The following RFX2 variants were observed in gnomAD, a reference collection of about 807,000 sequenced individuals.
RFX2 encodes the protein regulatory factor X2.
RFX2 carries 20 observed loss-of-function variants against 87.8 expected under a neutral mutation model. The ratio of observed to expected loss-of-function variants is 0.23; its 90% CI spans 0.16 to 0.33. The LOEUF (loss-of-function observed/expected upper bound fraction) is 0.33. Among genes scored for constraint, RFX2 ranks in the 10% least tolerant of loss-of-function variants. The pLI, the probability that RFX2 is intolerant of heterozygous loss-of-function variation, is 1.00. For missense variants in RFX2, 767 were observed against 1,012.3 expected (o/e 0.76, Z 3.29); for synonymous variants, 397 against 431.3 (o/e 0.92, Z 0.98).
At chr19:6,078,527 C>T (rs1288301489) in intron 1 of RFX2, among the ~76,000 whole-genome samples, 1 of 152,094 alleles carries the variant, frequency 6.6e-6, no homozygotes, top group Non-Finnish European at 1.5e-5. Flanking sequence ...CCAACATCTG[C>T]AGTGCCTGGC....
At chr19:6,096,217 A>G (rs1050315160) in intron 1 of RFX2, among the ~76,000 whole-genome samples, 1 of 152,344 alleles carries the variant, frequency 6.6e-6, no homozygotes, top group East Asian at 1.9e-4. Flanking sequence ...CCTCGAATTT[A>G]AAACATTTTC....
chr19:6,074,136 G>A lies in RFX2; in HGVS notation c.-8-26632C>T, dbSNP rs1272970746. Among the ~76,000 whole-genome samples the A allele has an allele frequency of 1.3e-5, 2 of 152,200 alleles. No individual in the cohort carries two copies. Among genetic ancestry groups the A allele is most frequent in the Non-Finnish European group, 2.9e-5 (2 of 68,040 alleles). The stretch of plus-strand genomic sequence containing the variant: ...CTCGGGAAGATGGAAAATGAATGAA[G>A]GGCAGCTCTGCCCAAAGCGGCGGAC... On this transcript the variant is annotated intron_variant, in intron 1 of 17. Transcript: ENST00000303657. The surrounding 1 kb of genome is among the most constrained non-coding windows in gnomAD (Gnocchi z 5.2).
chr19:6,077,708 G>A (rs1482829191), intron 1 of RFX2, among the ~76,000 whole-genome samples: 4 of 152,174 alleles, frequency 2.6e-5, no homozygotes, highest in Non-Finnish European at 5.9e-5. Context: ...GCGGCCGGGC[G>A]CGGTGGCTCA....
chr19:6,109,563 C>G (rs888970472), intron 1 of RFX2, among the ~76,000 whole-genome samples: 3 of 151,470 alleles, frequency 2.0e-5, no homozygotes, highest in African/African-American at 7.3e-5. Context: ...GTCCCCGGGA[C>G]AAGTCAGATC....
chr19:6,054,969 C>T (rs2087314243), intron 1 of RFX2, among the ~76,000 whole-genome samples: 1 of 152,090 alleles, frequency 6.6e-6, no homozygotes, highest in Admixed American at 6.6e-5. Context: ...TCATAAAGGG[C>T]TTTGATCCTA....
At chr19:6,043,980 G>C (rs1417538580) in intron 3 of RFX2, among the ~76,000 whole-genome samples, 1 of 152,174 alleles carries the variant, frequency 6.6e-6, no homozygotes, top group Non-Finnish European at 1.5e-5. Flanking sequence ...ATGAACGAAA[G>C]ATCACCAGCT....
chr19:6,043,295 G>A lies in RFX2; in HGVS notation c.180+898C>T, dbSNP rs567738069. 4.8e-4 allele frequency among the ~76,000 whole-genome samples: 73 copies of A among 152,322 alleles called. No individual in the cohort carries two copies. The South Asian group carries it at 0.013, about 27-fold the overall frequency. The stretch of plus-strand genomic sequence containing the variant: ...CACTGGCCTGAGGCCCTGCGTCCCC[G>A]CTGGGCCTGTCTGGAGCCTTTTCCT... On this transcript the variant is annotated intron_variant, in intron 3 of 17. Transcript: ENST00000303657.
chr19:5,995,994 A>C (rs548375193), intron 16 of RFX2, among the ~76,000 whole-genome samples: 13 of 152,230 alleles, frequency 8.5e-5, no homozygotes, highest in Non-Finnish European at 1.5e-4. Flanking sequence ...GTCTGTACAC[A>C]GCAGGAAAAC....
intron 1 of RFX2, among the ~76,000 whole-genome samples, chr19:6,104,183 G>A (rs1430334760): frequency 1.3e-5 from 2 of 151,854 alleles, no homozygotes; most frequent in Non-Finnish European, 2.9e-5. Flanking sequence ...TCTTTCCCCT[G>A]CCCCATTCAT....
In RFX2 at chr19:6,012,961, C is replaced by T; in HGVS notation, c.899+25G>A. 1 of 1,493,732 alleles carries T rather than the reference C, an allele frequency of 6.7e-7. No individual in the cohort carries two copies. The highest frequency in any genetic ancestry group is 8.9e-7 in the Non-Finnish European group (1 of 1,120,692). 92.5% of individuals were successfully genotyped at this position (1,493,732 alleles called of 1,614,324 possible). A position where few individuals can be genotyped will look rare whatever the true frequency, so the allele number is the denominator to read the frequency against. ...TCCATGCTCCAGGGGAGAGCCAGCT[C>T]CTCCCAGCTCGGCCCGGCACCCACC... On this transcript the variant is annotated intron_variant, in intron 8 of 17. Coordinates refer to ENST00000303657, the MANE Select transcript of RFX2 (RefSeq NM_000635.4). The surrounding 1 kb of genome is among the most constrained non-coding windows in gnomAD (Gnocchi z 4.6).
rs960254675 is a variant in RFX2 at position 6,011,867 on chromosome 19, CA to C, written c.899+1118del. On this transcript the variant is annotated intron_variant, in intron 8 of 17. Coordinates refer to ENST00000303657, the MANE Select transcript of RFX2 (RefSeq NM_000635.4). The surrounding 1 kb of genome is among the most constrained non-coding windows in gnomAD (Gnocchi z 4.8). ...GCTATTGCAATGTGGCCCCTGCCCT[CA>C]GGGGGGGCACTTGTGGAGGCACACT... 2.5e-4 allele frequency among the ~76,000 whole-genome samples: 38 copies of C among 152,338 alleles called. No individual in the cohort carries two copies. Among genetic ancestry groups the C allele is most frequent in the African/African-American group, 8.4e-4 (35 of 41,588 alleles).
chr19:6,084,074 T>C (rs991006972), intron 1 of RFX2, among the ~76,000 whole-genome samples: 1 of 151,984 alleles, frequency 6.6e-6, no homozygotes, highest in Admixed American at 6.5e-5. Context: ...CGTCTGTGAG[T>C]GCTAAAGAAC....
intron 7 of RFX2, among the ~76,000 whole-genome samples, chr19:6,014,635 G>A (rs1002360872): frequency 2.0e-5 from 3 of 152,104 alleles, no homozygotes; most frequent in Non-Finnish European, 2.9e-5. Flanking sequence ...GAGGGAAAAC[G>A]GGGGGAAATC....
intron 1 of RFX2, among the ~76,000 whole-genome samples, chr19:6,091,348 T>A (rs1363790048): frequency 6.6e-6 from 1 of 151,536 alleles, no homozygotes; most frequent in Non-Finnish European, 1.5e-5. Context: ...CCAGGCATGG[T>A]GGCGTGCACC....
intron 1 of RFX2, chr19:6,057,270 TG>T (rs1181432512): frequency 6.6e-6 from 1 of 152,202 alleles, no homozygotes; most frequent in African/African-American, 2.4e-5. Flanking sequence ...GAAGCAGCCC[TG>T]GACTACGGCC....
chr19:6,076,807 T>C (rs919811844), intron 1 of RFX2, among the ~76,000 whole-genome samples: 5 of 152,254 alleles, frequency 3.3e-5, no homozygotes, highest in Non-Finnish European at 7.3e-5. Flanking sequence ...ATTTGTGATG[T>C]TGCTAAGCCC....
intron 1 of RFX2, among the ~76,000 whole-genome samples, chr19:6,096,016 T>C (rs745909367): frequency 1.1e-4 from 16 of 152,202 alleles, no homozygotes; most frequent in Non-Finnish European, 2.4e-4. Context: ...GTAGTTGAGA[T>C]AGTGACCATC....
intron 3 of RFX2, among the ~76,000 whole-genome samples, chr19:6,042,605 C>T (rs574545084): frequency 1.3e-5 from 2 of 152,344 alleles, no homozygotes; most frequent in South Asian, 2.1e-4. Flanking sequence ...TTAGACTCTA[C>T]ATGGCCCCAA....
In RFX2 at chr19:6,026,226, C is replaced by T. The variant is rs778987681; in HGVS notation, c.534G>A (p.Ala178=). The T allele has an allele frequency of 7.4e-6, 12 of 1,611,734 alleles. No individual in the cohort carries two copies. Among genetic ancestry groups the T allele is most frequent in the African/African-American group, 5.4e-5 (4 of 74,132 alleles). The change falls in exon 6 of 18, where the codon GCG becomes GCA. Residue 178 remains alanine (A), a synonymous_variant. Transcript: ENST00000303657. This position sits in a 1 kb window ranked among gnomAD's most constrained non-coding sequence, Gnocchi z 4.5. ...CTTCGCTTTTTTGGAGGTTTTCAAT[C>T]GCCATTTCAAGCTAAAGAAAATGTG... ...SRSSPATLEM[A]IENLQKSEGI...
Sources: gnomAD v4.1 joint callset for allele counts (sites outside exome capture counted in the v4.1 genomes callset) on GRCh38, gnomAD v4.1.1 for gene constraint, Gnocchi (gnomAD v3.1) non-coding constraint, MANE v1.5 for transcripts, NCBI Gene and HGNC (gene_info 2026-07-23, HGNC 2026-07-21) for gene names.